The following NBAS variants were observed in gnomAD, a reference collection of about 807,000 sequenced individuals.
NBAS encodes NBAS subunit of NRZ tethering complex.
NBAS carries 219 observed loss-of-function variants against 302.5 expected under a neutral mutation model. That is an observed-to-expected ratio of 0.72 (90% CI 0.65 to 0.81). The LOEUF (loss-of-function observed/expected upper bound fraction) is 0.81. Ranked by LOEUF, NBAS falls within the 30% of genes least tolerant of loss-of-function variation. The pLI, the probability that NBAS is intolerant of heterozygous loss-of-function variation, is 0.00. For synonymous variants in NBAS, 1,118 were observed against 1,021.6 expected (o/e 1.09, Z -1.80); for missense variants, 2,932 against 2,841.6 (o/e 1.03, Z -0.72).
At chr2:14,902,275 G>A in the NBAS span, among the ~76,000 whole-genome samples, 1 of 152,144 alleles carries the variant, frequency 6.6e-6, no homozygotes, top group Non-Finnish European at 1.5e-5. Flanking sequence ...GGGATTACAG[G>A]CATGCGCCAC....
the NBAS span, among the ~76,000 whole-genome samples, chr2:14,824,112 C>T: frequency 2.0e-5 from 3 of 152,322 alleles, no homozygotes; most frequent in East Asian, 1.9e-4. Flanking sequence ...CAGCAACTGT[C>T]GTCCCCACCC....
At position 15,176,414 on chromosome 2, in the gene NBAS, C is replaced by A. The variant is rs763757820; in HGVS notation, c.6840+2574G>T. On this transcript the variant is annotated intron_variant, in intron 51 of 51. Transcript: ENST00000281513. Reference sequence around the variant, plus strand: ...ATCCTTGTGTCTGGTACCTTGACTGCAGTTAGTGGTCACACGAAGTTACAG... The same window carrying A: ...ATCCTTGTGTCTGGTACCTTGACTGAAGTTAGTGGTCACACGAAGTTACAG... Among the ~76,000 whole-genome samples, 26 of 152,064 alleles carry A rather than the reference C, an allele frequency of 1.7e-4. 1 individual carries two copies. Among genetic ancestry groups the A allele is most frequent in the Middle Eastern group, 3.4e-3 (1 of 294 alleles).
At chr2:15,479,456 T>G (rs1680332587) in intron 12 of NBAS, among the ~76,000 whole-genome samples, 1 of 152,172 alleles carries the variant, frequency 6.6e-6, no homozygotes. Context: ...CATGCCACCA[T>G]GTATTTACGT....
the NBAS span, among the ~76,000 whole-genome samples, chr2:14,872,378 T>C: frequency 1.3e-5 from 2 of 152,116 alleles, no homozygotes. Context: ...TATTTATTAC[T>C]ACATCTACAC....
intron 25 of NBAS, among the ~76,000 whole-genome samples, chr2:15,405,815 G>A (rs1171775155): frequency 6.6e-6 from 1 of 152,016 alleles, no homozygotes; most frequent in Non-Finnish European, 1.5e-5. Context: ...AAGGTAGATA[G>A]TATAAACAGA....
the NBAS span, among the ~76,000 whole-genome samples, chr2:14,800,886 C>A: frequency 3.1e-5 from 4 of 130,172 alleles, no homozygotes; most frequent in South Asian, 2.4e-4. Flanking sequence ...GGTATCATTT[C>A]CTTTGTGTGA....
chr2:14,860,943 T>A, the NBAS span, among the ~76,000 whole-genome samples: 1 of 152,228 alleles, frequency 6.6e-6, no homozygotes, highest in Admixed American at 6.5e-5. Flanking sequence ...AATGTATTAA[T>A]TTATCACATA....
intron 29 of NBAS, 114 bp downstream of exon 29, chr2:15,383,101 T>A: frequency 1.2e-6 from 1 of 857,108 alleles, no homozygotes; most frequent in South Asian, 1.6e-5. Context: ...TTATTAGCTA[T>A]TATTAAATAA....
the NBAS span, among the ~76,000 whole-genome samples, chr2:14,883,935 G>A: frequency 1.3e-5 from 2 of 150,500 alleles, no homozygotes; most frequent in Non-Finnish European, 2.9e-5. Context: ...TTGCCTCACT[G>A]TACTCCAGCC....
At chr2:15,048,155 A>G in the NBAS span, among the ~76,000 whole-genome samples, 1 of 152,236 alleles carries the variant, frequency 6.6e-6, no homozygotes, top group Non-Finnish European at 1.5e-5. Context: ...TGGCAAGAGC[A>G]GCCCTAGAGG....
At chr2:15,553,606 T>C (rs1482653796) in intron 4 of NBAS, 133 bp from the exon 5 acceptor site, 2 of 838,776 alleles carry the variant, frequency 2.4e-6, no homozygotes, top group Admixed American at 2.1e-5. Context: ...ATCCATCTTT[T>C]GACCTTACAA....
At chr2:15,528,878 A>AATAT (rs57028015) in intron 9 of NBAS, among the ~76,000 whole-genome samples, 61 of 121,540 alleles carry the variant, frequency 5.0e-4, no homozygotes, top group East Asian at 4.7e-3. Flanking sequence ...AAAAAAAAAA[A>AATAT]ATATATATAT....
intron 44 of NBAS, among the ~76,000 whole-genome samples, chr2:15,249,189 C>T (rs6431688): frequency 0.58 from 87,255 of 151,710 alleles, 26,754 homozygotes; most frequent in East Asian, 0.82. Context: ...TAATCTATCA[C>T]ATAAACAGAA....
At chr2:15,139,804 A>G in the NBAS span, among the ~76,000 whole-genome samples, 1 of 152,108 alleles carries the variant, frequency 6.6e-6, no homozygotes, top group African/African-American at 2.4e-5. Context: ...ACCTTTCCTA[A>G]AGCAGTCTCC....
intron 9 of NBAS, among the ~76,000 whole-genome samples, chr2:15,531,185 T>C (rs919340487): frequency 9.8e-5 from 15 of 152,332 alleles, no homozygotes; most frequent in South Asian, 2.1e-4. Context: ...CAGGAGGTTG[T>C]GACCCACCAA....
chr2:15,093,630 A>G, the NBAS span, among the ~76,000 whole-genome samples: 2 of 152,222 alleles, frequency 1.3e-5, no homozygotes, highest in African/African-American at 4.8e-5. Flanking sequence ...GATTTTCTAT[A>G]AGGAACTTTA....
At chr2:15,289,165 C>CGGGA (rs1670190228) in intron 41 of NBAS, among the ~76,000 whole-genome samples, 1 of 152,178 alleles carries the variant, frequency 6.6e-6, no homozygotes, top group Non-Finnish European at 1.5e-5. Flanking sequence ...TAGCCTTGAC[C>CGGGA]TCCCAGGCTC....
the NBAS span, among the ~76,000 whole-genome samples, chr2:14,850,940 G>C: frequency 7.3e-6 from 1 of 137,866 alleles, no homozygotes; most frequent in Non-Finnish European, 1.5e-5. Context: ...GTGTGTAGGG[G>C]GAAATTTATA....
chr2:15,396,171 C>T (rs996391876), intron 27 of NBAS, among the ~76,000 whole-genome samples: 5 of 152,068 alleles, frequency 3.3e-5, no homozygotes, highest in Admixed American at 2.0e-4. Context: ...AAAGATCACA[C>T]GACTAGTAAG....
Sources: allele counts gnomAD v4.1 joint callset (sites outside exome capture counted in the v4.1 genomes callset), GRCh38; gene constraint gnomAD v4.1.1; transcripts MANE v1.5; gene names NCBI Gene and HGNC (gene_info 2026-07-23, HGNC 2026-07-21).